The following NT5DC3 variants were observed in gnomAD, a reference collection of about 807,000 sequenced individuals.
NT5DC3 encodes 5'-nucleotidase domain-containing protein 3.
Under a neutral mutation model 67.8 loss-of-function variants are expected in NT5DC3, and 42 were observed. The ratio of observed to expected loss-of-function variants is 0.62; its 90% CI spans 0.48 to 0.80. NT5DC3 has a LOEUF of 0.80. Among genes scored for constraint, NT5DC3 ranks in the 30% least tolerant of loss-of-function variants. The pLI is 0.00. For synonymous variants in NT5DC3, 237 were observed against 255.6 expected (o/e 0.93, Z 0.69); for missense variants, 570 against 696.4 (o/e 0.82, Z 2.04).
At chr12:103,766,378 G>T (rs772692574), downstream of NT5DC3, 3 of 1,578,192 alleles carry the variant, frequency 1.9e-6, no homozygotes, top group Non-Finnish European at 2.6e-6. Flanking sequence ...ACTGCCACCT[G>T]GGCCATCAAC....
Position 103,785,435 on chromosome 12 carries a change from A to G in NT5DC3, c.1229T>C (p.Ile410Thr), listed in dbSNP as rs141830717. The change falls in exon 12 of 14, where the codon ATC becomes ACC. Residue 410 changes from isoleucine to threonine, a missense_variant. Ile to Thr is a moderately conservative substitution (Grantham distance 89, BLOSUM62 -1). Around this residue, in one of 2 missense-constraint regions of NT5DC3, gnomAD observed 466 missense variants for 608.0 expected, o/e 0.77. Coordinates refer to ENST00000392876, the MANE Select transcript of NT5DC3 (RefSeq NM_001031701.3). ...LKHGWRTGAIIPELRSELKIM... is the reference protein window; with the variant it reads ...LKHGWRTGAITPELRSELKIM... ...TTTGAGCTCAGATCTCAACTCTGGG[A>G]TGATTGCACCAGTCCTCCAGCCATG... The G allele has an allele frequency of 1.2e-6, 2 of 1,613,982 alleles. No individual in the cohort carries two copies. The highest frequency in any genetic ancestry group is 2.2e-5 in the East Asian group (1 of 44,900).
the NT5DC3 span, among the ~76,000 whole-genome samples, chr12:103,759,820 GGA>G: frequency 4.6e-5 from 7 of 152,194 alleles, no homozygotes; most frequent in Non-Finnish European, 8.8e-5. Context: ...ACGATAAATA[GGA>G]GAGAAGCATA....
the NT5DC3 span, among the ~76,000 whole-genome samples, chr12:103,756,595 A>G: frequency 6.6e-6 from 1 of 152,354 alleles, no homozygotes; most frequent in Non-Finnish European, 1.5e-5. Context: ...CTAACTCATC[A>G]GAGCTGGGCT....
chr12:103,816,332 A>AT (rs1887251521), intron 1 of NT5DC3, among the ~76,000 whole-genome samples: 1 of 152,202 alleles, frequency 6.6e-6, no homozygotes, highest in African/African-American at 2.4e-5. Context: ...AAAGTTTGAG[A>AT]TTTTGGAGCA....
the NT5DC3 span, chr12:103,749,240 T>C: frequency 7.2e-7 from 1 of 1,395,922 alleles, no homozygotes; most frequent in East Asian, 2.4e-5. Flanking sequence ...ATACTCTGCT[T>C]ATCTCCTGGA....
chr12:103,790,427 C>T (rs1885994804), intron 9 of NT5DC3, among the ~76,000 whole-genome samples: 3 of 152,030 alleles, frequency 2.0e-5, no homozygotes, highest in Admixed American at 2.0e-4. Context: ...AGTTGCATGC[C>T]ACCATGACTG....
chr12:103,764,008 T>C, the NT5DC3 span, among the ~76,000 whole-genome samples: 25 of 151,950 alleles, frequency 1.6e-4, no homozygotes, highest in East Asian at 4.1e-3. Flanking sequence ...TTCTTTGAGA[T>C]GGAGTCTCAC....
At chr12:103,753,165 A>G in the NT5DC3 span, 1 of 1,602,460 alleles carries the variant, frequency 6.2e-7, no homozygotes, top group South Asian at 1.1e-5. Context: ...CCATTGTTGG[A>G]AACACTGCCA....
At chr12:103,804,481 C>T (rs1886714328) in intron 4 of NT5DC3, among the ~76,000 whole-genome samples, 1 of 152,122 alleles carries the variant, frequency 6.6e-6, no homozygotes. Context: ...GAATTTGAAA[C>T]AGGGAAAGTA....
intron 1 of NT5DC3, among the ~76,000 whole-genome samples, chr12:103,827,256 G>T (rs1031285072): frequency 6.6e-6 from 1 of 151,844 alleles, no homozygotes; most frequent in Non-Finnish European, 1.5e-5. Flanking sequence ...AATTCAGCCC[G>T]GGAATTTATT....
At chr12:103,810,805 G>C (rs4964786) in intron 2 of NT5DC3, among the ~76,000 whole-genome samples, 69,501 of 151,980 alleles carry the variant, frequency 0.46, 16,297 homozygotes, top group South Asian at 0.65. Context: ...GTAATTACAG[G>C]TCTCAGATAC....
At chr12:103,751,079 C>T in the NT5DC3 span, among the ~76,000 whole-genome samples, 1 of 152,214 alleles carries the variant, frequency 6.6e-6, no homozygotes, top group African/African-American at 2.4e-5. Context: ...AAAGGACCCA[C>T]AAACATAGTT....
chr12:103,751,504 G>C, the NT5DC3 span, among the ~76,000 whole-genome samples: 1 of 152,180 alleles, frequency 6.6e-6, no homozygotes, highest in Non-Finnish European at 1.5e-5. Context: ...AGCAGCTGGG[G>C]AGGGAAGGTG....
intron 2 of NT5DC3, among the ~76,000 whole-genome samples, chr12:103,810,233 T>C (rs1886973925): frequency 6.6e-6 from 1 of 152,172 alleles, no homozygotes; most frequent in Admixed American, 6.5e-5. Flanking sequence ...ATTTCTGTGC[T>C]CTACTCCTGC....
intron 2 of NT5DC3, among the ~76,000 whole-genome samples, chr12:103,812,850 T>C (rs1331901411): frequency 2.0e-5 from 3 of 152,246 alleles, no homozygotes; most frequent in Non-Finnish European, 4.4e-5. Context: ...AATAAATAGC[T>C]AACCTTTATT....
In NT5DC3 at chr12:103,793,917, T is replaced by C. The variant is rs1393015710; in HGVS notation, c.814+20A>G. On this transcript the variant is annotated intron_variant, in intron 7 of 13. Transcript: ENST00000392876. ...AACAGAAAGGCTGAAACTCTCTTCG[T>C]GATACTGCTGAGCACATACCAATGT... is the stretch of plus-strand genomic sequence containing the variant. The C allele has an allele frequency of 1.9e-6, 3 of 1,592,042 alleles. No homozygotes were observed. The highest frequency in any genetic ancestry group is 3.3e-5 in the Admixed American group (2 of 59,720).
chr12:103,759,366 T>C, the NT5DC3 span: 9 of 1,499,654 alleles, frequency 6.0e-6, no homozygotes, highest in Admixed American at 2.2e-5. Flanking sequence ...GCAACTATTA[T>C]GCAAACATAA....
Position 103,776,907 on chromosome 12 carries a change from A to T in NT5DC3, c.*922T>A, listed in dbSNP as rs1266973396. ...AATCTCATGTTTTAACAGGATTCCAATTCAACTGGGTGGGTGGCATGGCAT... is the reference window on the plus strand; with the variant it reads ...AATCTCATGTTTTAACAGGATTCCATTTCAACTGGGTGGGTGGCATGGCAT... On this transcript the variant is annotated 3_prime_UTR_variant, in exon 14 of 14. Transcript: ENST00000392876. 6.6e-6 allele frequency: 1 copy of T among 152,222 alleles called. No homozygotes were observed. Among genetic ancestry groups the T allele is most frequent in the Non-Finnish European group, 1.5e-5 (1 of 68,044 alleles). 9.4% of individuals were successfully genotyped at this position (152,222 alleles called of 1,614,324 possible). A position where few individuals can be genotyped will look rare whatever the true frequency, so the allele number is the denominator to read the frequency against.
the NT5DC3 span, chr12:103,755,483 A>C: frequency 6.2e-7 from 1 of 1,612,716 alleles, no homozygotes; most frequent in Non-Finnish European, 8.5e-7. Flanking sequence ...CGCCCCAGCT[A>C]CACTTCAGGT....
Sources: allele counts gnomAD v4.1 joint callset (sites outside exome capture counted in the v4.1 genomes callset), GRCh38; gene constraint gnomAD v4.1.1; regional missense constraint gnomAD v4.1.1; transcripts MANE v1.5; gene names NCBI Gene and HGNC (gene_info 2026-07-23, HGNC 2026-07-21).